FMN2: variants seen among roughly 807,000 people sequenced by gnomAD.
FMN2 encodes the protein formin-2.
FMN2 carries 51 observed loss-of-function variants against 142.3 expected under a neutral mutation model. That is an observed-to-expected ratio of 0.36 (90% CI 0.29 to 0.45). The LOEUF (loss-of-function observed/expected upper bound fraction) is 0.45. Among genes scored for constraint, FMN2 ranks in the 20% least tolerant of loss-of-function variants. The pLI is 1.00. For synonymous variants in FMN2, 882 were observed against 869.8 expected (o/e 1.01, Z -0.25); for missense variants, 1,936 against 2,122.8 (o/e 0.91, Z 1.73).
intron 6 of FMN2, among the ~76,000 whole-genome samples, chr1:240,232,270 TA>T (rs71170725): frequency 0.66 from 85,857 of 129,482 alleles, 29,176 homozygotes; most frequent in Middle Eastern, 0.76. Flanking sequence ...TTTTTTTTTT[TA>T]AGTAGAGACA....
At chr1:240,423,948 A>G (rs1572292748) in intron 15 of FMN2, among the ~76,000 whole-genome samples, 2 of 152,324 alleles carry the variant, frequency 1.3e-5, no homozygotes. Flanking sequence ...CAAAGCTTGG[A>G]CACCCCAACA....
chr1:240,162,020 G>A (rs907471629), intron 2 of FMN2, among the ~76,000 whole-genome samples: 11 of 151,790 alleles, frequency 7.2e-5, no homozygotes, highest in Non-Finnish European at 1.2e-4. Flanking sequence ...TAATCCCAGC[G>A]CTTTAGGGGG....
At chr1:240,182,653 G>A (rs1665198266) in intron 3 of FMN2, among the ~76,000 whole-genome samples, 1 of 152,146 alleles carries the variant, frequency 6.6e-6, no homozygotes, top group African/African-American at 2.4e-5. Flanking sequence ...AAGGAATTTA[G>A]GATGGAACAA....
intron 14 of FMN2, among the ~76,000 whole-genome samples, chr1:240,379,995 TG>T (rs1460346042): frequency 6.6e-6 from 1 of 152,062 alleles, no homozygotes; most frequent in Non-Finnish European, 1.5e-5. Flanking sequence ...AAAAACATAT[TG>T]GTGGACCTAA....
chr1:240,122,294 G>A (rs944297413), intron 1 of FMN2, among the ~76,000 whole-genome samples: 14 of 151,078 alleles, frequency 9.3e-5, no homozygotes, highest in African/African-American at 2.7e-4. Flanking sequence ...ATGGAGTTTC[G>A]CTCTTGTCTC....
intron 2 of FMN2, among the ~76,000 whole-genome samples, chr1:240,150,122 G>T (rs544808211): frequency 2.0e-5 from 3 of 152,134 alleles, no homozygotes; most frequent in Non-Finnish European, 4.4e-5. Flanking sequence ...AGTTGTATTT[G>T]CTAAAGGTTA....
At chr1:240,371,004 T>A (rs1672847553) in intron 14 of FMN2, among the ~76,000 whole-genome samples, 1 of 152,172 alleles carries the variant, frequency 6.6e-6, no homozygotes, top group Non-Finnish European at 1.5e-5. Flanking sequence ...AGTGGCGGGA[T>A]CTCAACTCAC....
intron 16 of FMN2, among the ~76,000 whole-genome samples, chr1:240,447,016 A>G (rs1300057709): frequency 6.6e-6 from 1 of 152,204 alleles, no homozygotes; most frequent in African/African-American, 2.4e-5. Context: ...ATCAAAGACT[A>G]TTCCTGAGAG....
chr1:240,436,645 C>G (rs1016746873), intron 15 of FMN2, among the ~76,000 whole-genome samples: 7 of 147,922 alleles, frequency 4.7e-5, no homozygotes, highest in African/African-American at 1.8e-4. Context: ...CTGTTGCACT[C>G]TAGCCTGGGT....
intron 7 of FMN2, among the ~76,000 whole-genome samples, chr1:240,259,676 C>A (rs1668565579): frequency 6.6e-6 from 1 of 152,006 alleles, no homozygotes. Context: ...GAGAAGTCCA[C>A]AGAAGCATAA....
At chr1:240,251,664 T>A (rs1668282236) in intron 6 of FMN2, among the ~76,000 whole-genome samples, 1 of 152,310 alleles carries the variant, frequency 6.6e-6, no homozygotes, top group East Asian at 1.9e-4. Flanking sequence ...GCTGAGAGTG[T>A]GATGTTGATG....
At chr1:240,127,468 T>C (rs773502936) in intron 2 of FMN2, among the ~76,000 whole-genome samples, 1 of 151,766 alleles carries the variant, frequency 6.6e-6, no homozygotes, top group Non-Finnish European at 1.5e-5. Context: ...CTGGTCTTGG[T>C]TTGCTTGTTG....
At chr1:240,365,158 TATAC>T (rs1013170157) in intron 14 of FMN2, among the ~76,000 whole-genome samples, 2 of 148,320 alleles carry the variant, frequency 1.3e-5, no homozygotes, top group East Asian at 1.9e-4. Context: ...TATATACACA[TATAC>T]ATACATACAT....
intron 15 of FMN2, among the ~76,000 whole-genome samples, chr1:240,420,459 C>G (rs1674724347): frequency 1.3e-5 from 2 of 152,204 alleles, no homozygotes; most frequent in Non-Finnish European, 2.9e-5. Context: ...TCTCTTACCC[C>G]TTTTCAGGCC....
intron 15 of FMN2, among the ~76,000 whole-genome samples, chr1:240,408,928 T>C (rs963206241): frequency 2.6e-5 from 4 of 152,214 alleles, no homozygotes; most frequent in Non-Finnish European, 5.9e-5. Flanking sequence ...CTAATTTCTG[T>C]TGTTGTGAGT....
intron 15 of FMN2, among the ~76,000 whole-genome samples, chr1:240,435,829 T>C (rs1394503975): frequency 6.6e-6 from 1 of 152,232 alleles, no homozygotes; most frequent in Admixed American, 6.5e-5. Context: ...CTGGGTGAAC[T>C]AGCTATTGCG....
chr1:240,267,063 A>G (rs768263456), intron 7 of FMN2, among the ~76,000 whole-genome samples: 1 of 152,162 alleles, frequency 6.6e-6, no homozygotes, highest in Admixed American at 6.6e-5. Flanking sequence ...TAAGTCCTCA[A>G]AAGTAATTGC....
chr1:240,254,548 G>A (rs1205032858), intron 6 of FMN2, among the ~76,000 whole-genome samples: 2 of 152,074 alleles, frequency 1.3e-5, no homozygotes, highest in Non-Finnish European at 2.9e-5. Flanking sequence ...GTGGACCCCA[G>A]GTCCCCCCTA....
intron 7 of FMN2, chr1:240,285,411 C>T: frequency 2.5e-6 from 1 of 407,928 alleles, no homozygotes; most frequent in Admixed American, 2.6e-5. Context: ...GCTGTTGGTT[C>T]TATAAGTGAG....
Sources: allele counts gnomAD v4.1 joint callset (sites outside exome capture counted in the v4.1 genomes callset), GRCh38; gene constraint gnomAD v4.1.1; transcripts MANE v1.5; gene names NCBI Gene and HGNC (gene_info 2026-07-23, HGNC 2026-07-21).